FADS1: variants seen among roughly 807,000 people sequenced by gnomAD.
The protein encoded by FADS1 is acyl-CoA (8-3)-desaturase.
In FADS1, 17 loss-of-function variants were observed where a neutral mutation model predicts 61.6. That is an observed-to-expected ratio of 0.28 (90% confidence interval 0.19 to 0.41). The LOEUF (loss-of-function observed/expected upper bound fraction) is 0.41, where lower values mean the gene tolerates loss of function less well. Ranked by LOEUF, FADS1 falls within the 10% of genes least tolerant of loss-of-function variation. The pLI, the probability that FADS1 is intolerant of heterozygous loss-of-function variation, is 1.00. For missense variants in FADS1, 387 were observed against 650.9 expected, an observed-to-expected ratio of 0.59 and a Z score of 4.41; for synonymous variants, 238 against 258.7, an observed-to-expected ratio of 0.92 and a Z score of 0.77.
rs1300591048 is a variant in FADS1, at chr11:61,816,972, G to A, written c.-43C>T. On this transcript the variant is annotated 5_prime_UTR_variant, in exon 1 of 12. Coordinates refer to ENST00000350997, the MANE Select transcript of FADS1 (RefSeq NM_013402.7). This position sits in a 1 kb window ranked among gnomAD's most constrained non-coding sequence, Gnocchi z 7.0. ...GCGGGGAGCGAGATCCCGTCCCCCG[G>A]TGGGTCTTGGGCAACTCACAGCTGG... 2 of 1,368,086 alleles carry A rather than the reference G, an allele frequency of 1.5e-6. No individual in the cohort carries two copies. Among genetic ancestry groups the A allele is most frequent in the African/African-American group, 1.5e-5 (1 of 65,156 alleles). The allele number at this position is 1,368,086 out of a possible 1,614,324, so 84.7% of individuals were successfully genotyped here.
chr11:61,804,005 CTT>C, intron 7 of FADS1: 1 of 570,822 alleles, frequency 1.8e-6, no homozygotes, highest in Non-Finnish European at 3.1e-6. Context: ...TACAAGGTCT[CTT>C]TGCCTCTAGC....
At chr11:61,813,030 G>A (rs1238309163) in intron 2 of FADS1, among the ~76,000 whole-genome samples, 1 of 152,202 alleles carries the variant, frequency 6.6e-6, no homozygotes, top group African/African-American at 2.4e-5. Flanking sequence ...AGCCATGGTA[G>A]TGGCAGCCTT....
Position 61,816,856 on chromosome 11 carries a change from A to G in FADS1, c.74T>C (p.Leu25Pro). The G allele has an allele frequency of 2.7e-6, 4 of 1,483,074 alleles. No individual in the cohort carries two copies. In the South Asian group the frequency reaches 5.1e-5, roughly 19 times the overall value. The allele number at this position is 1,483,074 out of a possible 1,614,324, so 91.9% of individuals were successfully genotyped here. ...GGAGTGGATTTGCTGGCGCGCGCCCAGAGCCAGCCGCCTGCGCGCCGGGTT... is the reference window on the plus strand; with the variant it reads ...GGAGTGGATTTGCTGGCGCGCGCCCGGAGCCAGCCGCCTGCGCGCCGGGTT... ...AENPARRRLA[L>P]GARQQIHSWS... The change falls in exon 1 of 12, where the codon CTG becomes CCG. Residue 25 changes from leucine to proline, a missense_variant. Around this residue, in one of 2 missense-constraint regions of FADS1, gnomAD observed 130 missense variants for 117.7 expected, o/e 1.10. Coordinates refer to ENST00000350997, the MANE Select transcript of FADS1 (RefSeq NM_013402.7). This position sits in a 1 kb window ranked among gnomAD's most constrained non-coding sequence, Gnocchi z 7.0.
chr11:61,813,112 A>G lies in FADS1; in HGVS notation c.486+131T>C, dbSNP rs2066942832. 3.4e-5 allele frequency: 25 copies of G among 727,774 alleles called. No individual in the cohort carries two copies. The South Asian group carries it at 3.6e-4, about 11-fold the overall frequency. 45.1% of individuals were successfully genotyped at this position (727,774 alleles called of 1,614,324 possible). ...TCATGACTATGCAAGAGAAGCAGGG[A>G]CCTCAAGACTCCCCAGAGCTACTAC... On this transcript the variant is annotated intron_variant, in intron 2 of 11. Coordinates refer to ENST00000350997, the MANE Select transcript of FADS1 (RefSeq NM_013402.7).
Position 61,816,982 on chromosome 11 carries a change from G to C in FADS1, c.-53C>G. 2 of 1,351,514 alleles carry C rather than the reference G, an allele frequency of 1.5e-6. No homozygotes were observed. The highest frequency in any genetic ancestry group is 1.9e-6 in the Non-Finnish European group (2 of 1,058,484). 83.7% of individuals were successfully genotyped at this position (1,351,514 alleles called of 1,614,324 possible). ...AGATCCCGTCCCCCGGTGGGTCTTG[G>C]GCAACTCACAGCTGGGCTGCCAACA... On this transcript the variant is annotated 5_prime_UTR_variant, in exon 1 of 12. Coordinates refer to ENST00000350997, the MANE Select transcript of FADS1 (RefSeq NM_013402.7). The surrounding 1 kb of genome is among the most constrained non-coding windows in gnomAD (Gnocchi z 7.0).
chr11:61,806,764 T>G (rs764057794), intron 5 of FADS1, 40 bp from the exon 6 acceptor site: 3 of 1,580,754 alleles, frequency 1.9e-6, no homozygotes, highest in African/African-American at 1.3e-5. Context: ...CGGAGACCAG[T>G]GATTCCTCCC....
In FADS1 at chr11:61,804,667, TG is replaced by T; in HGVS notation, c.1053+17del. On this transcript the variant is annotated intron_variant, in intron 7 of 11. Coordinates refer to ENST00000350997, the MANE Select transcript of FADS1 (RefSeq NM_013402.7). ...GCTGGAGACAAGGATGTGGGCTTCT[TG>T]GGCCATGGATACTCACCACCCACTT... 1 of 1,610,046 alleles carries T rather than the reference TG, an allele frequency of 6.2e-7. No individual in the cohort carries two copies. Among genetic ancestry groups the T allele is most frequent in the Non-Finnish European group, 8.5e-7 (1 of 1,176,476 alleles).
Position 61,812,615 on chromosome 11 carries a change from C to G in FADS1, c.540G>C (p.Gly180=), listed in dbSNP as rs1175213618. Residue 180 remains glycine (G), a synonymous_variant, in exon 3 of 12, where the codon GGG becomes GGC. Coordinates refer to ENST00000350997, the MANE Select transcript of FADS1 (RefSeq NM_013402.7). The part of the protein sequence containing the change: ...RELRATVERM[G]LMKANHVFFL... ...AGAAGACATGGTTGGCCTTCATGAG[C>G]CCCATCCGCTCCACTGTGGCCCGCA... 2 of 1,614,158 alleles carry G rather than the reference C, an allele frequency of 1.2e-6. No individual in the cohort carries two copies. Among genetic ancestry groups the G allele is most frequent in the Non-Finnish European group, 1.7e-6 (2 of 1,180,018 alleles).
rs2066944521 is a variant in FADS1 at position 61,813,232 on chromosome 11, C to T, written c.486+11G>A. Reference sequence around the variant, plus strand: ...ACCAATAGTTGCGACATAGCAAACACAGGGTCTTACATTCTTGGTGGGCTC... The same window carrying T: ...ACCAATAGTTGCGACATAGCAAACATAGGGTCTTACATTCTTGGTGGGCTC... On this transcript the variant is annotated intron_variant, in intron 2 of 11. Coordinates refer to ENST00000350997, the MANE Select transcript of FADS1 (RefSeq NM_013402.7). The T allele has an allele frequency of 3.3e-6, 5 of 1,530,444 alleles. No homozygotes were observed. In the East Asian group the frequency reaches 1.1e-4, roughly 34 times the overall value. The allele number at this position is 1,530,444 out of a possible 1,614,324, so 94.8% of individuals were successfully genotyped here.
At chr11:61,804,087 G>GC in intron 7 of FADS1, 2 of 394,428 alleles carry the variant, frequency 5.1e-6, no homozygotes, top group African/African-American at 2.0e-5. Context: ...CTCAGTCCAT[G>GC]CCAGTGCCCT....
intron 7 of FADS1, chr11:61,804,005 C>T: frequency 1.8e-6 from 1 of 570,822 alleles, no homozygotes; most frequent in South Asian, 2.1e-5. Flanking sequence ...TACAAGGTCT[C>T]TTTGCCTCTA....
intron 1 of FADS1, among the ~76,000 whole-genome samples, chr11:61,813,903 A>G (rs1591154990): frequency 1.4e-5 from 2 of 142,582 alleles, no homozygotes; most frequent in Admixed American, 7.4e-5. Flanking sequence ...GGGAGGGCGG[A>G]GCCTGCAGTG....
In FADS1 at chr11:61,804,822, T is replaced by C. The variant is rs1171688276; in HGVS notation, c.977-61A>G. ...CACAGGAAGGTCATGAAAGGGCCAGTTGATGTTGGGAGAGATGGCCTCTAG... is the reference window on the plus strand; with the variant it reads ...CACAGGAAGGTCATGAAAGGGCCAGCTGATGTTGGGAGAGATGGCCTCTAG... On this transcript the variant is annotated intron_variant, in intron 6 of 11. Coordinates refer to ENST00000350997, the MANE Select transcript of FADS1 (RefSeq NM_013402.7). The C allele has an allele frequency of 2.1e-6, 3 of 1,425,734 alleles. No homozygotes were observed. In the East Asian group the frequency reaches 6.8e-5, roughly 32 times the overall value. 88.3% of individuals were successfully genotyped at this position (1,425,734 alleles called of 1,614,324 possible). A position where few individuals can be genotyped will look rare whatever the true frequency, so the allele number is the denominator to read the frequency against.
chr11:61,810,787 G>T lies in FADS1; in HGVS notation c.879C>A (p.Pro293=), dbSNP rs1355285185. The T allele has an allele frequency of 6.2e-7, 1 of 1,614,204 alleles. No homozygotes were observed. The highest frequency in any genetic ancestry group is 1.7e-5 in the Admixed American group (1 of 60,030). ...FRKDPDINMH[P]FFFALGKILS... is the part of the protein sequence containing the mutation. Reference sequence around the variant, plus strand: ...GGATCTTCCCCAAGGCAAAGAAGAAGGGATGCATGTTGATGTCTGGGTCTT... The same window carrying T: ...GGATCTTCCCCAAGGCAAAGAAGAATGGATGCATGTTGATGTCTGGGTCTT... Residue 293 remains proline (P), a synonymous_variant, in exon 5 of 12, where the codon CCC becomes CCA. Coordinates refer to ENST00000350997, the MANE Select transcript of FADS1 (RefSeq NM_013402.7).
At position 61,799,787 on chromosome 11, in the gene FADS1, T is replaced by C. The variant is rs756523214; in HGVS notation, c.*2624A>G. On this transcript the variant is annotated 3_prime_UTR_variant, in exon 12 of 12. Transcript: ENST00000350997. ...AAGATAAACATAGAAGTTGGAGTTG[T>C]AAAAAAGTGAGTTGGAATTCATGCT... 1 of 152,702 alleles carries C rather than the reference T, an allele frequency of 6.5e-6. No individual in the cohort carries two copies. The highest frequency in any genetic ancestry group is 1.5e-5 in the Non-Finnish European group (1 of 68,044). 9.5% of individuals were successfully genotyped at this position (152,702 alleles called of 1,614,324 possible).
rs1367017048 is a variant in FADS1 at position 61,802,999 on chromosome 11, C to T, written c.1328+33G>A. On this transcript the variant is annotated intron_variant, in intron 10 of 11. Transcript: ENST00000350997. The surrounding 1 kb of genome is among the most constrained non-coding windows in gnomAD (Gnocchi z 4.2). ...CCTGTACCCAACACTTACACCCTCC[C>T]CAGGACCCTGCTTCCCCAGGCTCCC... The T allele has an allele frequency of 6.2e-7, 1 of 1,614,028 alleles. No homozygotes were observed.
In FADS1 at chr11:61,816,797, C is replaced by T; in HGVS notation, c.133G>A (p.Ala45Thr). ...SPRTPSTRLT[A>T]PAGPARGVAR... Reference sequence around the variant, plus strand: ...ACGCCGCGCGCCGGGCCAGCAGGGGCTGTCAGGCGCGTGCTCGGGGTCCGC... The same window carrying T: ...ACGCCGCGCGCCGGGCCAGCAGGGGTTGTCAGGCGCGTGCTCGGGGTCCGC... Residue 45 changes from alanine (A) to threonine (T), a missense_variant, in exon 1 of 12, where the codon GCC becomes ACC. Ala to Thr is a moderately conservative substitution (Grantham distance 58). Around this residue, in one of 2 missense-constraint regions of FADS1, gnomAD observed 130 missense variants for 117.7 expected, o/e 1.10. Coordinates refer to ENST00000350997, the MANE Select transcript of FADS1 (RefSeq NM_013402.7). The surrounding 1 kb of genome is among the most constrained non-coding windows in gnomAD (Gnocchi z 7.0). The T allele has an allele frequency of 6.7e-7, 1 of 1,503,052 alleles. No homozygotes were observed. Among genetic ancestry groups the T allele is most frequent in the African/African-American group, 1.4e-5 (1 of 69,238 alleles). 93.1% of individuals were successfully genotyped at this position (1,503,052 alleles called of 1,614,324 possible).
At position 61,816,830 on chromosome 11, in the gene FADS1, A is replaced by T. The variant is rs1277352574; in HGVS notation, c.100T>A (p.Trp34Arg). ...CGCGTGCTCGGGGTCCGCGGGCTCCAGGAGTGGATTTGCTGGCGCGCGCCC... is the reference window on the plus strand; with the variant it reads ...CGCGTGCTCGGGGTCCGCGGGCTCCTGGAGTGGATTTGCTGGCGCGCGCCC... ...ALGARQQIHSWSPRTPSTRLT... is the reference protein window; with the variant it reads ...ALGARQQIHSRSPRTPSTRLT... The change falls in exon 1 of 12, where the codon TGG becomes AGG. Residue 34 changes from tryptophan to arginine, a missense_variant. Transcript: ENST00000350997. The surrounding 1 kb of genome is among the most constrained non-coding windows in gnomAD (Gnocchi z 7.0). 2 of 1,492,640 alleles carry T rather than the reference A, an allele frequency of 1.3e-6. No individual in the cohort carries two copies. The highest frequency in any genetic ancestry group is 2.9e-5 in the African/African-American group (2 of 68,240). 92.5% of individuals were successfully genotyped at this position (1,492,640 alleles called of 1,614,324 possible).
Position 61,816,729 on chromosome 11 carries a change from G to T in FADS1, c.201C>A (p.Thr67=). The T allele has an allele frequency of 1.3e-6, 2 of 1,559,924 alleles. No individual in the cohort carries two copies. Among genetic ancestry groups the T allele is most frequent in the East Asian group, 2.4e-5 (1 of 41,914 alleles). ...AGCGCGGGGTAGGTCCCTGAGCCGC[G>T]GTCTCGGCGGCCACCGGGTCGGGGG... ...AMAPDPVAAE[T]AAQGPTPRYF... is the part of the protein sequence containing the mutation. The change falls in exon 1 of 12, where the codon ACC becomes ACA. Residue 67 remains threonine, a synonymous_variant. Transcript: ENST00000350997. This position sits in a 1 kb window ranked among gnomAD's most constrained non-coding sequence, Gnocchi z 7.0.
Sources: allele counts gnomAD v4.1 joint callset (sites outside exome capture counted in the v4.1 genomes callset), GRCh38; gene constraint gnomAD v4.1.1; regional missense constraint gnomAD v4.1.1; non-coding constraint Gnocchi (gnomAD v3.1); transcripts MANE v1.5; gene names NCBI Gene and HGNC (gene_info 2026-07-23, HGNC 2026-07-21).